The following KLF8 variants were observed in gnomAD, a reference collection of about 807,000 sequenced individuals.
KLF8 encodes the protein Krueppel-like factor 8.
Under a neutral mutation model 18.2 loss-of-function variants are expected in KLF8, and 10 were observed. That is an observed-to-expected ratio of 0.55 (90% CI 0.34 to 0.93). The LOEUF (loss-of-function observed/expected upper bound fraction) is 0.93, where lower values mean the gene tolerates loss of function less well. KLF8 is among the 40% of genes least tolerant of loss of function. The pLI, the probability that KLF8 is intolerant of heterozygous loss-of-function variation, is 0.02. For missense variants in KLF8, 264 were observed against 277.9 expected (o/e 0.95, Z 0.36); for synonymous variants, 109 against 97.3 (o/e 1.12, Z -0.71).
chrX:56,223,035 C>T, the KLF8 span, among the ~76,000 whole-genome samples: 3 of 113,219 alleles, frequency 2.6e-5, no homozygotes, highest in Non-Finnish European at 3.8e-5. Context: ...TCCTCAAGTG[C>T]GGCCAGAGTG....
intron 2 of KLF8, among the ~76,000 whole-genome samples, chrX:56,259,497 G>A (rs2066854608): frequency 9.1e-6 from 1 of 110,038 alleles, no homozygotes; most frequent in Admixed American, 9.8e-5. Flanking sequence ...AGCTAGTATA[G>A]CTCACCAAAC....
At chrX:55,954,838 G>A in the KLF8 span, among the ~76,000 whole-genome samples, 1 of 111,802 alleles carries the variant, frequency 8.9e-6, no homozygotes, top group Admixed American at 9.5e-5. Context: ...CCGTACAATG[G>A]AATAATATTC....
At chrX:56,006,087 A>T in the KLF8 span, among the ~76,000 whole-genome samples, 1 of 112,094 alleles carries the variant, frequency 8.9e-6, no homozygotes, top group Non-Finnish European at 1.9e-5. Context: ...TTAAGGCTAA[A>T]GTCTCCTAGA....
intron 2 of KLF8, among the ~76,000 whole-genome samples, chrX:56,262,011 A>T (rs1453299776): frequency 8.9e-6 from 1 of 112,013 alleles, no homozygotes; most frequent in Non-Finnish European, 1.9e-5. Flanking sequence ...TAAGAGGCAT[A>T]CTTGGGAGTG....
the KLF8 span, among the ~76,000 whole-genome samples, chrX:56,025,813 T>C: frequency 1.8e-5 from 2 of 112,009 alleles, no homozygotes; most frequent in South Asian, 7.5e-4. Context: ...AGTGTTATTA[T>C]ATAAACATGT....
At chrX:56,040,800 C>CCTTTTT in the KLF8 span, among the ~76,000 whole-genome samples, 1 of 6,027 alleles carries the variant, frequency 1.7e-4, no homozygotes, top group Admixed American at 3.0e-3. Flanking sequence ...ATGATACCAG[C>CCTTTTT]TTTTTTTTTT....
the KLF8 span, among the ~76,000 whole-genome samples, chrX:56,092,737 A>T: frequency 9.1e-6 from 1 of 109,566 alleles, no homozygotes. Context: ...TTTTTCTTAG[A>T]ATTGCTTTGG....
chrX:56,258,234 C>T (rs1302673761), intron 2 of KLF8, among the ~76,000 whole-genome samples: 4 of 112,346 alleles, frequency 3.6e-5, no homozygotes, highest in African/African-American at 1.3e-4. Flanking sequence ...ATAAAAAATA[C>T]TCTATGAAAT....
chrX:56,241,207 A>G (rs1187956789), intron 1 of KLF8, among the ~76,000 whole-genome samples: 4 of 111,542 alleles, frequency 3.6e-5, no homozygotes, highest in African/African-American at 1.3e-4. Context: ...TCGCTCTTTC[A>G]TGCAGAGTGG....
the KLF8 span, among the ~76,000 whole-genome samples, chrX:55,966,816 T>C: frequency 1.8e-5 from 2 of 111,856 alleles, no homozygotes; most frequent in Admixed American, 1.9e-4. Flanking sequence ...GAAACAAAGA[T>C]ATGTGACCGT....
the KLF8 span, among the ~76,000 whole-genome samples, chrX:55,932,384 G>A: frequency 9.0e-6 from 1 of 111,002 alleles, no homozygotes; most frequent in Non-Finnish European, 1.9e-5. Flanking sequence ...GATTAATATT[G>A]TTATGTGTAA....
At chrX:56,105,966 T>C in the KLF8 span, among the ~76,000 whole-genome samples, 1 of 111,727 alleles carries the variant, frequency 9.0e-6, no homozygotes, top group East Asian at 2.8e-4. Context: ...TTATTTATCA[T>C]TCACTTATGA....
At chrX:56,052,595 A>T in the KLF8 span, among the ~76,000 whole-genome samples, 1 of 111,838 alleles carries the variant, frequency 8.9e-6, no homozygotes, top group African/African-American at 3.2e-5. Flanking sequence ...TCAGGGGTCA[A>T]GGACCCACTT....
intron 3 of KLF8, 161 bp from the exon 4 acceptor site, chrX:56,269,217 C>A: frequency 9.7e-7 from 1 of 1,031,125 alleles, no homozygotes; most frequent in Non-Finnish European, 1.2e-6. Flanking sequence ...AAATGTTATT[C>A]TCTTCCTTCC....
the KLF8 span, among the ~76,000 whole-genome samples, chrX:56,082,806 A>G: frequency 9.0e-6 from 1 of 111,373 alleles, no homozygotes; most frequent in Non-Finnish European, 1.9e-5. Context: ...CCAGATGTTG[A>G]ATTCTTGGTT....
At chrX:55,922,664 G>T in the KLF8 span, among the ~76,000 whole-genome samples, 1 of 112,168 alleles carries the variant, frequency 8.9e-6, no homozygotes. Context: ...ATGGGCAAAG[G>T]CCATGAATAG....
the KLF8 span, among the ~76,000 whole-genome samples, chrX:56,050,378 C>A: frequency 1.8e-5 from 2 of 112,188 alleles, no homozygotes; most frequent in Non-Finnish European, 3.8e-5. Context: ...AATTTTAGAT[C>A]TTTCCTGCTT....
the KLF8 span, among the ~76,000 whole-genome samples, chrX:55,910,910 A>G: frequency 8.9e-6 from 1 of 111,785 alleles, no homozygotes; most frequent in African/African-American, 3.2e-5. Context: ...TTTCAAATGC[A>G]CTTGAAACTA....
chrX:56,155,928 C>A, the KLF8 span, among the ~76,000 whole-genome samples: 2 of 111,772 alleles, frequency 1.8e-5, no homozygotes, highest in South Asian at 3.7e-4. Flanking sequence ...TCTGTTACTG[C>A]ATTAATTTGC....
Sources: allele counts gnomAD v4.1 joint callset (sites outside exome capture counted in the v4.1 genomes callset), GRCh38; gene constraint gnomAD v4.1.1; transcripts MANE v1.5; gene names NCBI Gene and HGNC (gene_info 2026-07-23, HGNC 2026-07-21).